The following KLHL18 variants were observed in gnomAD, a reference collection of about 807,000 sequenced individuals.
KLHL18 encodes kelch-like protein 18.
A neutral mutation model predicts 58.5 loss-of-function variants in KLHL18; 38 were observed. That is an observed-to-expected ratio of 0.65 (90% confidence interval 0.50 to 0.85). The LOEUF (loss-of-function observed/expected upper bound fraction) is 0.85, where lower values mean the gene tolerates loss of function less well. Among genes scored for constraint, KLHL18 ranks in the 40% least tolerant of loss-of-function variants. The pLI is 0.00. For missense variants in KLHL18, 624 were observed against 778.4 expected (o/e 0.80, Z 2.36); for synonymous variants, 303 against 301.9 (o/e 1.00, Z -0.04).
intron 2 of KLHL18, among the ~76,000 whole-genome samples, chr3:47,322,227 T>G (rs1037652752): frequency 2.0e-5 from 3 of 152,170 alleles, no homozygotes; most frequent in African/African-American, 7.2e-5. Context: ...ATGAAGACAG[T>G]GTACCAACAT....
At chr3:47,307,420 C>T (rs76530372) in intron 1 of KLHL18, among the ~76,000 whole-genome samples, 4,487 of 152,058 alleles carry the variant, frequency 0.03, 226 homozygotes, top group East Asian at 0.13. Context: ...GAAGTCTTCT[C>T]TCTTAAGGTT....
intron 1 of KLHL18, chr3:47,297,637 G>A (rs1278704665): frequency 4.4e-6 from 2 of 456,542 alleles, no homozygotes; most frequent in South Asian, 3.1e-5. Context: ...AGCTCTGCCA[G>A]TCCTGAGCCA....
intron 4 of KLHL18, among the ~76,000 whole-genome samples, chr3:47,331,515 C>T (rs1409079265): frequency 6.9e-6 from 1 of 144,904 alleles, no homozygotes; most frequent in Admixed American, 7.2e-5. Flanking sequence ...TCACTGCAGC[C>T]TCAGCCTCCC....
rs901047787 is a variant in KLHL18 at position 47,345,134 on chromosome 3, C to G, written c.*1193C>G. On this transcript the variant is annotated 3_prime_UTR_variant, in exon 10 of 10. Transcript: ENST00000232766. Reference sequence around the variant, plus strand: ...CAGGTCTGGCCAGATTCTCACTTGCCCATCAATCTCGTTCTTGGATGATTT... The same window carrying G: ...CAGGTCTGGCCAGATTCTCACTTGCGCATCAATCTCGTTCTTGGATGATTT... 6.6e-6 allele frequency: 1 copy of G among 152,358 alleles called. No individual in the cohort carries two copies. Among genetic ancestry groups the G allele is most frequent in the African/African-American group, 2.4e-5 (1 of 41,426 alleles). 9.4% of individuals were successfully genotyped at this position (152,358 alleles called of 1,614,324 possible). A position where few individuals can be genotyped will look rare whatever the true frequency, so the allele number is the denominator to read the frequency against.
rs575472219 is a variant in KLHL18, at chr3:47,343,121, T to C, written c.1338+291T>C. ...TTCCTGCCCAAAGTAAGTTCAGTTA[T>C]AGACCAAGTGTAAATTTGCAAACAG... On this transcript the variant is annotated intron_variant, in intron 9 of 9. Transcript: ENST00000232766. Among the ~76,000 whole-genome samples, 61 of 152,368 alleles carry C rather than the reference T, an allele frequency of 4.0e-4. 1 individual carries two copies. Among genetic ancestry groups the C allele is most frequent in the Admixed American group, 9.8e-4 (15 of 15,304 alleles).
intron 1 of KLHL18, among the ~76,000 whole-genome samples, chr3:47,286,193 C>G (rs1187653147): frequency 2.6e-5 from 4 of 152,180 alleles, no homozygotes; most frequent in Non-Finnish European, 5.9e-5. Context: ...AGTATAAACG[C>G]ATGGGCTAGA....
intron 7 of KLHL18, among the ~76,000 whole-genome samples, chr3:47,339,566 G>T (rs566058959): frequency 1.3e-5 from 2 of 152,078 alleles, no homozygotes; most frequent in East Asian, 3.9e-4. Flanking sequence ...AACAGGAGCT[G>T]TGGCATCAGC....
intron 3 of KLHL18, among the ~76,000 whole-genome samples, chr3:47,325,956 A>G (rs1421158621): frequency 6.7e-6 from 1 of 150,212 alleles, no homozygotes; most frequent in African/African-American, 2.5e-5. Flanking sequence ...TTATTTATTT[A>G]TTTATTTTTG....
At chr3:47,289,342 GA>G (rs1702742265) in intron 1 of KLHL18, among the ~76,000 whole-genome samples, 1 of 152,216 alleles carries the variant, frequency 6.6e-6, no homozygotes, top group South Asian at 2.1e-4. Flanking sequence ...CCCTCAGAAG[GA>G]AATGTTTTTT....
chr3:47,330,182 A>G (rs1703823620), intron 4 of KLHL18, 33 bp downstream of exon 4: 1 of 1,578,080 alleles, frequency 6.3e-7, no homozygotes, highest in African/African-American at 1.3e-5. Flanking sequence ...TGTGCAGGTG[A>G]CATGAGATGC....
At chr3:47,288,625 A>T (rs549144817) in intron 1 of KLHL18, among the ~76,000 whole-genome samples, 1 of 152,332 alleles carries the variant, frequency 6.6e-6, no homozygotes, top group South Asian at 2.1e-4. Context: ...CCTTTTGGAA[A>T]ATATTTGAAA....
intron 9 of KLHL18, among the ~76,000 whole-genome samples, chr3:47,343,278 C>T (rs1704149910): frequency 6.6e-6 from 1 of 152,230 alleles, no homozygotes; most frequent in African/African-American, 2.4e-5. Flanking sequence ...AGACCCAGCT[C>T]TCATACAGGT....
intron 1 of KLHL18, among the ~76,000 whole-genome samples, chr3:47,311,313 C>G (rs530657701): frequency 1.3e-5 from 2 of 152,228 alleles, no homozygotes; most frequent in South Asian, 4.1e-4. Context: ...CACATCACAT[C>G]ACTTTGCTTT....
chr3:47,343,406 C>A, intron 9 of KLHL18, 149 bp from the exon 10 acceptor site: 1 of 877,924 alleles, frequency 1.1e-6, no homozygotes. Context: ...AGCAGGCCTG[C>A]AGCAGAGGGA....
intron 1 of KLHL18, among the ~76,000 whole-genome samples, chr3:47,317,220 C>A (rs1703475892): frequency 6.6e-6 from 1 of 152,150 alleles, no homozygotes. Flanking sequence ...TCAAGTGATT[C>A]TTCTGCCTCA....
intron 1 of KLHL18, among the ~76,000 whole-genome samples, chr3:47,318,161 C>G (rs1431166027): frequency 6.6e-6 from 1 of 152,194 alleles, no homozygotes; most frequent in African/African-American, 2.4e-5. Flanking sequence ...CACCCTGCGT[C>G]CGGCCCAAAA....
chr3:47,299,109 A>T (rs774703601), intron 1 of KLHL18, among the ~76,000 whole-genome samples: 2 of 152,224 alleles, frequency 1.3e-5, no homozygotes, highest in African/African-American at 4.8e-5. Flanking sequence ...TTGTCAAACT[A>T]TTTTCCAGAG....
At position 47,330,030 on chromosome 3, in the gene KLHL18, A is replaced by G. The variant is rs1286356894; in HGVS notation, c.481A>G (p.Ser161Gly). 1 of 1,614,126 alleles carries G rather than the reference A, an allele frequency of 6.2e-7. No homozygotes were observed. Among genetic ancestry groups the G allele is most frequent in the Non-Finnish European group, 8.5e-7 (1 of 1,180,028 alleles). Residue 161 changes from serine (S) to glycine (G), a missense_variant, in exon 4 of 10, where the codon AGC (serine) becomes GGC (glycine). Coordinates refer to ENST00000232766, the MANE Select transcript of KLHL18 (RefSeq NM_025010.5). ...TGCTGTGCTGTACGACGCTGCCAAC[A>G]GCTTCATCCACCAGCACTTTGTGGA... is the stretch of plus-strand genomic sequence containing the variant. Reference protein sequence around the residue: ...MCAVLYDAANSFIHQHFVEVS... With the variant: ...MCAVLYDAANGFIHQHFVEVS...
At chr3:47,335,798 G>A (rs983246951) in intron 6 of KLHL18, among the ~76,000 whole-genome samples, 1 of 152,200 alleles carries the variant, frequency 6.6e-6, no homozygotes, top group Non-Finnish European at 1.5e-5. Flanking sequence ...GTGAGCCACC[G>A]CACCTGGCCC....
Sources: allele counts gnomAD v4.1 joint callset (sites outside exome capture counted in the v4.1 genomes callset), GRCh38; gene constraint gnomAD v4.1.1; transcripts MANE v1.5; gene names NCBI Gene and HGNC (gene_info 2026-07-23, HGNC 2026-07-21).